FKTN: variants seen among roughly 807,000 people sequenced by gnomAD.
FKTN encodes the protein fukutin, also known as ribitol-5-phosphate transferase FKTN.
Under a neutral mutation model 58.6 loss-of-function variants are expected in FKTN, and 47 were observed. The observed-to-expected ratio is 0.80, with a 90% confidence interval of 0.63 to 1.02. The LOEUF (loss-of-function observed/expected upper bound fraction) is 1.02. Among genes scored for constraint, FKTN ranks in the 50% least tolerant of loss-of-function variants. The pLI, the probability that FKTN is intolerant of heterozygous loss-of-function variation, is 0.00. For missense variants in FKTN, 516 were observed against 537.3 expected (o/e 0.96, Z 0.39); for synonymous variants, 178 against 191.9 (o/e 0.93, Z 0.60).
At chr9:105,598,203 T>C in intron 4 of FKTN, 1 of 442,570 alleles carries the variant, frequency 2.3e-6, no homozygotes, top group Non-Finnish European at 4.6e-6. Flanking sequence ...CTTTATACTC[T>C]TTTACATTGA....
At position 105,637,742 on chromosome 9, in the gene FKTN, A is replaced by T. The variant is rs1564361772; in HGVS notation, c.*2478A>T. 6 of 985,274 alleles carry T rather than the reference A, an allele frequency of 6.1e-6. No homozygotes were observed. The highest frequency in any genetic ancestry group is 6.2e-5 in the Admixed American group (1 of 16,260). 61.0% of individuals were successfully genotyped at this position (985,274 alleles called of 1,614,324 possible). A position where few individuals can be genotyped will look rare whatever the true frequency, so the allele number is the denominator to read the frequency against. ...TAGGCACCCATGAATGTCTCCAGAG[A>T]CATCCTGAGAGGCAAGATTCCTCTT... On this transcript the variant is annotated 3_prime_UTR_variant, in exon 11 of 11. Transcript: ENST00000357998.
At chr9:105,607,397 ATATAT>A (rs1280399717) in intron 6 of FKTN, among the ~76,000 whole-genome samples, 1 of 152,010 alleles carries the variant, frequency 6.6e-6, no homozygotes, top group African/African-American at 2.4e-5. Context: ...ACAAGTACAA[ATATAT>A]TAATATATAA....
chr9:105,626,981 C>CTTTTTTTTTTTTTTT (rs60710867), intron 10 of FKTN, among the ~76,000 whole-genome samples: 3 of 128,032 alleles, frequency 2.3e-5, no homozygotes, highest in African/African-American at 8.9e-5. Context: ...CTTCTTTATT[C>CTTTTTTTTTTTTTTT]TTTTTTTTTT....
Position 105,636,046 on chromosome 9 carries a change from T to A in FKTN, c.*782T>A, listed in dbSNP as rs1371417633. The stretch of plus-strand genomic sequence containing the variant: ...GACAAATCATTCAAGTGAGACCATG[T>A]TACTAGACATGATCTTGAAAGAGGC... On this transcript the variant is annotated 3_prime_UTR_variant, in exon 11 of 11. Transcript: ENST00000357998. 5 of 985,354 alleles carry A rather than the reference T, an allele frequency of 5.1e-6. No homozygotes were observed. The highest frequency in any genetic ancestry group is 6.0e-6 in the Non-Finnish European group (5 of 829,960). 61.0% of individuals were successfully genotyped at this position (985,354 alleles called of 1,614,324 possible). A position where few individuals can be genotyped will look rare whatever the true frequency, so the allele number is the denominator to read the frequency against.
chr9:105,589,724 A>G (rs1403771574), intron 3 of FKTN, among the ~76,000 whole-genome samples: 1 of 152,174 alleles, frequency 6.6e-6, no homozygotes, highest in East Asian at 1.9e-4. Flanking sequence ...GGAGTTCTTC[A>G]GGTGAAGAAG....
At chr9:105,601,664 C>T (rs1327490605) in intron 5 of FKTN, among the ~76,000 whole-genome samples, 2 of 152,152 alleles carry the variant, frequency 1.3e-5, no homozygotes, top group African/African-American at 4.8e-5. Flanking sequence ...CGTAGCTCCA[C>T]ATATCACATC....
intron 10 of FKTN, among the ~76,000 whole-genome samples, chr9:105,627,193 A>AGTAG (rs1832852060): frequency 6.6e-6 from 1 of 151,892 alleles, no homozygotes; most frequent in South Asian, 2.1e-4. Context: ...GCTAGTCTCA[A>AGTAG]ACCCCTGACC....
At chr9:105,586,423 A>G (rs1052062538) in intron 3 of FKTN, among the ~76,000 whole-genome samples, 6 of 152,204 alleles carry the variant, frequency 3.9e-5, no homozygotes, top group Non-Finnish European at 5.9e-5. Flanking sequence ...ACATGTTTCT[A>G]GGACCCTGAA....
At chr9:105,606,809 T>C (rs1828981729) in intron 6 of FKTN, among the ~76,000 whole-genome samples, 2 of 151,684 alleles carry the variant, frequency 1.3e-5, no homozygotes, top group African/African-American at 2.4e-5. Flanking sequence ...AAGTCTTCTA[T>C]ATTTTTTGTG....
At chr9:105,598,313 A>G in intron 4 of FKTN, 1 of 289,412 alleles carries the variant, frequency 3.5e-6, no homozygotes, top group Admixed American at 4.8e-5. Context: ...TTTAGAAGGA[A>G]TAAAAGGTGA....
At chr9:105,620,235 T>C (rs1312837502) in intron 10 of FKTN, 174 bp downstream of exon 10, 6 of 552,142 alleles carry the variant, frequency 1.1e-5, no homozygotes, top group Non-Finnish European at 1.9e-5. Flanking sequence ...TAAGAATACC[T>C]GTAAGGACGG....
Position 105,635,481 on chromosome 9 carries a change from A to G in FKTN, c.*217A>G. The G allele has an allele frequency of 7.0e-7, 1 of 1,423,202 alleles. No homozygotes were observed. Among genetic ancestry groups the G allele is most frequent in the South Asian group, 1.5e-5 (1 of 65,802 alleles). The allele number at this position is 1,423,202 out of a possible 1,614,324, so 88.2% of individuals were successfully genotyped here. On this transcript the variant is annotated 3_prime_UTR_variant, in exon 11 of 11. Transcript: ENST00000357998. ...GCTAGGTTACAGTGGAGAAGCCTAG[A>G]TGAATGAGACAAATACCTACTTCTT...
At chr9:105,561,316 A>T (rs1443170325) in intron 1 of FKTN, among the ~76,000 whole-genome samples, 1 of 152,068 alleles carries the variant, frequency 6.6e-6, no homozygotes, top group African/African-American at 2.4e-5. Context: ...ATGGGGAGAC[A>T]TTAACATAAT....
At chr9:105,564,574 GA>G (rs1186756114) in intron 1 of FKTN, among the ~76,000 whole-genome samples, 6 of 152,322 alleles carry the variant, frequency 3.9e-5, no homozygotes, top group African/African-American at 1.4e-4. Context: ...TGAATGAAAT[GA>G]AGCCAGAAGA....
chr9:105,593,998 GAGA>G (rs1210640399), intron 3 of FKTN, among the ~76,000 whole-genome samples: 2 of 152,156 alleles, frequency 1.3e-5, no homozygotes, highest in Non-Finnish European at 2.9e-5. Flanking sequence ...AAGAGGAGTT[GAGA>G]AGTTTTTGTG....
At chr9:105,568,261 G>A (rs1301712023) in intron 1 of FKTN, among the ~76,000 whole-genome samples, 2 of 152,140 alleles carry the variant, frequency 1.3e-5, no homozygotes, top group Admixed American at 1.3e-4. Context: ...AACACCAAAA[G>A]CAATGGCAAC....
intron 3 of FKTN, among the ~76,000 whole-genome samples, chr9:105,593,404 T>C (rs564681791): frequency 6.6e-6 from 1 of 152,282 alleles, no homozygotes; most frequent in East Asian, 1.9e-4. Context: ...GGGATTACAA[T>C]TCAGTATGAG....
At chr9:105,580,203 G>C (rs1203481190) in intron 3 of FKTN, among the ~76,000 whole-genome samples, 3 of 152,114 alleles carry the variant, frequency 2.0e-5, no homozygotes, top group African/African-American at 7.2e-5. Context: ...ATTTGATCCT[G>C]TCATTATGAT....
At chr9:105,594,688 G>A (rs1826425729) in intron 3 of FKTN, among the ~76,000 whole-genome samples, 1 of 152,212 alleles carries the variant, frequency 6.6e-6, no homozygotes, top group South Asian at 2.1e-4. Flanking sequence ...TGAGGCTGCA[G>A]TGAGCCGTGA....
Sources: allele counts gnomAD v4.1 joint callset (sites outside exome capture counted in the v4.1 genomes callset), GRCh38; gene constraint gnomAD v4.1.1; transcripts MANE v1.5; gene names NCBI Gene and HGNC (gene_info 2026-07-23, HGNC 2026-07-21).